GLIS3: variants seen among roughly 807,000 people sequenced by gnomAD.
GLIS3 encodes zinc finger protein GLIS3.
GLIS3 carries 53 observed loss-of-function variants against 78.6 expected under a neutral mutation model. The ratio of observed to expected loss-of-function variants is 0.67; its 90% CI spans 0.54 to 0.85. The LOEUF is 0.85. Ranked by LOEUF, GLIS3 falls within the 40% of genes least tolerant of loss-of-function variation. The pLI, the probability that GLIS3 is intolerant of heterozygous loss-of-function variation, is 0.00. For missense variants in GLIS3, 1,703 were observed against 1,231.1 expected, an observed-to-expected ratio of 1.38 and a Z score of -5.74; for synonymous variants, 684 against 509.9, an observed-to-expected ratio of 1.34 and a Z score of -4.60.
At chr9:3,938,360 T>A (rs1826010377) in intron 4 of GLIS3, among the ~76,000 whole-genome samples, 1 of 152,198 alleles carries the variant, frequency 6.6e-6, no homozygotes, top group Non-Finnish European at 1.5e-5. Flanking sequence ...ATGGTTCCCA[T>A]TCAAAATTAG....
intron 4 of GLIS3, among the ~76,000 whole-genome samples, chr9:4,014,139 T>C (rs1822255926): frequency 6.6e-6 from 1 of 152,206 alleles, no homozygotes; most frequent in African/African-American, 2.4e-5. Context: ...ATACTTGCCT[T>C]TCTGGTGGCA....
At chr9:4,402,225 C>A in the GLIS3 span, among the ~76,000 whole-genome samples, 1 of 152,202 alleles carries the variant, frequency 6.6e-6, no homozygotes, top group Admixed American at 6.5e-5. Context: ...AACAAGTCTC[C>A]AGAAAATTCT....
chr9:4,017,768 T>C (rs74437608), intron 4 of GLIS3, among the ~76,000 whole-genome samples: 28 of 152,300 alleles, frequency 1.8e-4, no homozygotes, highest in Non-Finnish European at 3.2e-4. Context: ...AAATACATGC[T>C]TCCAAAGTGG....
intron 2 of GLIS3, among the ~76,000 whole-genome samples, chr9:4,235,360 C>T (rs1822635892): frequency 6.7e-6 from 1 of 150,228 alleles, no homozygotes; most frequent in Admixed American, 6.6e-5. Context: ...GGGAGGGTCT[C>T]CTGAAATATG....
chr9:4,483,070 A>G, the GLIS3 span, among the ~76,000 whole-genome samples: 1 of 152,196 alleles, frequency 6.6e-6, no homozygotes, highest in Non-Finnish European at 1.5e-5. Context: ...ATGCCTCTCA[A>G]CTTTTGTTCA....
chr9:4,413,901 T>C, the GLIS3 span, among the ~76,000 whole-genome samples: 1 of 152,162 alleles, frequency 6.6e-6, no homozygotes, highest in Non-Finnish European at 1.5e-5. Context: ...TATCCAAATA[T>C]GGCTTAACTT....
rs146153421 is a variant in GLIS3 at position 4,323,097 on chromosome 9, G to C, written n.265-12569C>G. On this transcript the variant is annotated intron_variant and non_coding_transcript_variant, in intron 2 of 4. Coordinates refer to the GLIS3 transcript ENST00000471664. ...TCTTGAATTAATTTTTGTATAAGGT[G>C]TAAGGAAGGGATCCAGTTTCAGCCT... is the stretch of plus-strand genomic sequence containing the variant. Among the ~76,000 whole-genome samples the C allele has an allele frequency of 4.7e-3, 720 of 152,278 alleles. 3 individuals carry two copies. The highest frequency in any genetic ancestry group is 7.5e-3 in the Non-Finnish European group (507 of 68,032).
At chr9:4,022,847 A>T (rs1055254036) in intron 4 of GLIS3, among the ~76,000 whole-genome samples, 1 of 152,236 alleles carries the variant, frequency 6.6e-6, no homozygotes, top group African/African-American at 2.4e-5. Flanking sequence ...GATACCATTT[A>T]TTCTAGAAAA....
intron 4 of GLIS3, among the ~76,000 whole-genome samples, chr9:3,963,978 C>T (rs1356014492): frequency 3.9e-5 from 6 of 152,152 alleles, no homozygotes; most frequent in Non-Finnish European, 4.4e-5. Flanking sequence ...TGATGGTGCA[C>T]GCACTGCTTC....
chr9:4,236,629 A>C (rs1377283690), intron 2 of GLIS3, among the ~76,000 whole-genome samples: 1 of 152,176 alleles, frequency 6.6e-6, no homozygotes, highest in African/African-American at 2.4e-5. Flanking sequence ...ACATGACCAA[A>C]CATAATTCAC....
chr9:3,844,893 A>G (rs984843548), intron 9 of GLIS3, among the ~76,000 whole-genome samples: 3 of 152,228 alleles, frequency 2.0e-5, no homozygotes, highest in Admixed American at 6.5e-5. Context: ...GCAAAATACT[A>G]ACATTCAGTG....
intron 4 of GLIS3, among the ~76,000 whole-genome samples, chr9:3,985,944 A>G (rs1299325642): frequency 1.3e-5 from 2 of 152,230 alleles, no homozygotes; most frequent in African/African-American, 2.4e-5. Context: ...TGTTCTACCC[A>G]CATCAATTAA....
the GLIS3 span, among the ~76,000 whole-genome samples, chr9:4,447,550 C>T: frequency 1.3e-5 from 2 of 151,990 alleles, no homozygotes; most frequent in Admixed American, 6.6e-5. Context: ...ACCTATTGTC[C>T]CAAGCAGAAT....
intron 4 of GLIS3, among the ~76,000 whole-genome samples, chr9:3,948,010 C>T (rs1434010673): frequency 6.6e-6 from 1 of 152,176 alleles, no homozygotes; most frequent in African/African-American, 2.4e-5. Context: ...CAAAACCTTG[C>T]ATTAGCCCTG....
intron 2 of GLIS3, among the ~76,000 whole-genome samples, chr9:4,271,698 A>G (rs1281950264): frequency 6.6e-6 from 1 of 152,180 alleles, no homozygotes; most frequent in African/African-American, 2.4e-5. Flanking sequence ...GGTTTCAGGT[A>G]CCTGCAACCA....
intron 2 of GLIS3, among the ~76,000 whole-genome samples, chr9:4,322,343 G>C (rs544396553): frequency 2.0e-5 from 3 of 152,134 alleles, no homozygotes; most frequent in Non-Finnish European, 4.4e-5. Flanking sequence ...AAACATATGT[G>C]TGCATGTGTC....
intron 4 of GLIS3, among the ~76,000 whole-genome samples, chr9:4,003,599 C>A (rs1012261000): frequency 6.6e-6 from 1 of 152,162 alleles, no homozygotes; most frequent in African/African-American, 2.4e-5. Flanking sequence ...ACATCTTGCT[C>A]AATGTTTTGA....
chr9:4,114,145 C>T (rs1206228253), intron 4 of GLIS3, among the ~76,000 whole-genome samples: 2 of 152,170 alleles, frequency 1.3e-5, no homozygotes, highest in Non-Finnish European at 2.9e-5. Flanking sequence ...CCTCTACTCA[C>T]TCTGCCCCAG....
chr9:4,259,989 G>A (rs1231912833), intron 2 of GLIS3, among the ~76,000 whole-genome samples: 1 of 152,158 alleles, frequency 6.6e-6, no homozygotes, highest in Non-Finnish European at 1.5e-5. Context: ...TCCAAGAAGT[G>A]GGGAAATTTA....
Sources: allele counts gnomAD v4.1 joint callset (sites outside exome capture counted in the v4.1 genomes callset), GRCh38; gene constraint gnomAD v4.1.1; transcripts MANE v1.5; gene names NCBI Gene and HGNC (gene_info 2026-07-23, HGNC 2026-07-21).